Variants in ASTN1 observed in about 807,000 individuals in gnomAD.
ASTN1 encodes the protein astrotactin-1.
In ASTN1, 41 loss-of-function variants were observed where a neutral mutation model predicts 140.7. The observed-to-expected ratio is 0.29, with a 90% CI of 0.23 to 0.38. The LOEUF (loss-of-function observed/expected upper bound fraction) is 0.38. ASTN1 is among the 10% of genes least tolerant of loss of function. ASTN1 has a pLI of 1.00. For synonymous variants in ASTN1, 640 were observed against 652.2 expected (o/e 0.98, Z 0.29); for missense variants, 1,479 against 1,678.8 (o/e 0.88, Z 2.08).
rs1676405508 is a variant in ASTN1 at position 177,030,923 on chromosome 1, T to C, written c.895A>G (p.Asn299Asp). The C allele has an allele frequency of 6.2e-7, 1 of 1,613,744 alleles. No individual in the cohort carries two copies. Among genetic ancestry groups the C allele is most frequent in the Admixed American group, 1.7e-5 (1 of 59,998 alleles). ...GCTATAATATTATCTTTATACTTGT[T>C]CATCAGTGACAGCTTGGCATTGTCA... is the stretch of plus-strand genomic sequence containing the variant. Reference protein sequence around the residue: ...GSDNAKLSLMNKYKDNIIATS... With the variant: ...GSDNAKLSLMDKYKDNIIATS... The change falls in exon 4 of 23, where the codon AAC becomes GAC. Residue 299 changes from asparagine (N) to aspartate (D), a missense_variant. Around this residue, in one of 3 missense-constraint regions of ASTN1, gnomAD observed 729 missense variants for 860.4 expected, o/e 0.85. Coordinates refer to ENST00000361833, the MANE Select transcript of ASTN1 (RefSeq NM_004319.3).
At chr1:177,023,282 T>C in intron 7 of ASTN1, 122 bp downstream of exon 7, 1 of 1,254,764 alleles carries the variant, frequency 8.0e-7, no homozygotes, top group Non-Finnish European at 1.1e-6. Context: ...GCAGTCCGCA[T>C]GGTCTAGGCT....
chr1:177,065,123 AC>A (rs1306847187), intron 1 of ASTN1, among the ~76,000 whole-genome samples: 1 of 152,150 alleles, frequency 6.6e-6, no homozygotes, highest in Non-Finnish European at 1.5e-5. Context: ...CTCAGATAGA[AC>A]CTTTTTCACA....
At chr1:176,969,646 C>T (rs1016263525) in intron 8 of ASTN1, among the ~76,000 whole-genome samples, 2 of 152,086 alleles carry the variant, frequency 1.3e-5, no homozygotes, top group African/African-American at 2.4e-5. Context: ...ACTAGGCCAT[C>T]GAGGAGCCCA....
At chr1:177,128,934 A>C (rs1571825692) in intron 1 of ASTN1, among the ~76,000 whole-genome samples, 2 of 152,328 alleles carry the variant, frequency 1.3e-5, no homozygotes, top group East Asian at 3.9e-4. Context: ...TCAAAAAAGA[A>C]GTATGAATGT....
intron 1 of ASTN1, among the ~76,000 whole-genome samples, chr1:177,076,304 GAA>G (rs1173232565): frequency 1.4e-4 from 19 of 138,096 alleles, no homozygotes; most frequent in Non-Finnish European, 8.1e-5. Context: ...AAGAAAGAAA[GAA>G]AAAGAAAAAG....
chr1:177,125,605 T>C (rs553272259), intron 1 of ASTN1, among the ~76,000 whole-genome samples: 4 of 152,266 alleles, frequency 2.6e-5, no homozygotes, highest in East Asian at 3.9e-4. Context: ...ATGATAAAAA[T>C]AGGTATATAA....
intron 2 of ASTN1, among the ~76,000 whole-genome samples, chr1:177,045,437 C>G (rs1279614363): frequency 2.0e-5 from 3 of 152,172 alleles, no homozygotes; most frequent in Non-Finnish European, 2.9e-5. Flanking sequence ...TTGGTCAGTT[C>G]AGACTGAAGA....
chr1:177,053,169 T>A (rs962876897), intron 2 of ASTN1, among the ~76,000 whole-genome samples: 1 of 152,218 alleles, frequency 6.6e-6, no homozygotes, highest in African/African-American at 2.4e-5. Flanking sequence ...TTATGACTCC[T>A]GCTTTCAAAA....
chr1:177,148,781 TAGA>T (rs1350199129), intron 1 of ASTN1, among the ~76,000 whole-genome samples: 1 of 151,884 alleles, frequency 6.6e-6, no homozygotes, highest in Admixed American at 6.6e-5. Flanking sequence ...GAGATGATGA[TAGA>T]AGTTTCTTGG....
intron 18 of ASTN1, among the ~76,000 whole-genome samples, chr1:176,886,135 G>T (rs972143114): frequency 1.1e-4 from 16 of 152,278 alleles, no homozygotes; most frequent in Middle Eastern, 6.8e-3. Flanking sequence ...AGAAATAGAA[G>T]TGTATATGAT....
At chr1:177,150,735 A>C (rs1488375583) in intron 1 of ASTN1, among the ~76,000 whole-genome samples, 1 of 152,158 alleles carries the variant, frequency 6.6e-6, no homozygotes, top group Non-Finnish European at 1.5e-5. Context: ...GCAGGAGTCA[A>C]GGAATTATAA....
chr1:176,870,492 G>C (rs1222380295), intron 21 of ASTN1, among the ~76,000 whole-genome samples: 1 of 152,186 alleles, frequency 6.6e-6, no homozygotes, highest in East Asian at 1.9e-4. Flanking sequence ...TGCCTATGAG[G>C]ACAGGAGCCA....
intron 2 of ASTN1, among the ~76,000 whole-genome samples, chr1:177,036,036 C>CTTTTTTTTTTTT (rs869200407): frequency 1.3e-5 from 1 of 78,788 alleles, no homozygotes; most frequent in African/African-American, 5.5e-5. Flanking sequence ...CCTCAGCTTT[C>CTTTTTTTTTTTT]TTTTTTTTTT....
At chr1:176,876,719 C>T in intron 20 of ASTN1, 82 bp from the exon 21 acceptor site, 1 of 1,387,852 alleles carries the variant, frequency 7.2e-7, no homozygotes, top group Non-Finnish European at 1.0e-6. Flanking sequence ...CATGGCCCAG[C>T]TCTGCCTGAA....
chr1:177,091,702 C>A (rs1679763471), intron 1 of ASTN1, among the ~76,000 whole-genome samples: 1 of 152,110 alleles, frequency 6.6e-6, no homozygotes, highest in Non-Finnish European at 1.5e-5. Context: ...CAGTTCCCAT[C>A]CCCCAGCCCT....
At chr1:176,914,483 T>G (rs1371484831) in intron 16 of ASTN1, among the ~76,000 whole-genome samples, 1 of 152,208 alleles carries the variant, frequency 6.6e-6, no homozygotes, top group African/African-American at 2.4e-5. Flanking sequence ...CTCTGTGTTA[T>G]GGAGGTTTTA....
chr1:177,042,789 AG>A (rs1291127571), intron 2 of ASTN1, among the ~76,000 whole-genome samples: 1 of 152,242 alleles, frequency 6.6e-6, no homozygotes, highest in Non-Finnish European at 1.5e-5. Flanking sequence ...CGTGTCACAT[AG>A]AAAGAAGCCC....
At position 176,894,731 on chromosome 1, in the gene ASTN1, T is replaced by C. The variant is rs2228956; in HGVS notation, c.2771A>G (p.His924Arg). ...ITSLSDSGTK[H>R]MAAGVRMECH... is the part of the protein sequence containing the mutation. ...CTCCATGCGGACTCCAGCCGCCATG[T>C]GCTTGGTGCCGGAGTCTGACAAGCT... The change falls in exon 17 of 23, where the codon CAC (histidine) becomes CGC (arginine). Residue 924 changes from histidine to arginine, a missense_variant. By Grantham distance (29) the His-to-Arg change is conservative. Transcript: ENST00000361833. 0.83 allele frequency: 1,338,241 copies of C among 1,614,022 alleles called. 555,733 individuals are homozygous for C. The highest frequency in any genetic ancestry group is 0.91 in the Middle Eastern group (5,533 of 6,062).
chr1:177,140,605 A>T (rs1682420687), intron 1 of ASTN1, among the ~76,000 whole-genome samples: 1 of 152,198 alleles, frequency 6.6e-6, no homozygotes, highest in Non-Finnish European at 1.5e-5. Flanking sequence ...TTGGGTGTCC[A>T]TGTGTGTATA....
Sources: gnomAD v4.1 joint callset for allele counts (sites outside exome capture counted in the v4.1 genomes callset) on GRCh38, gnomAD v4.1.1 for gene constraint, gnomAD v4.1.1 regional missense constraint, MANE v1.5 for transcripts, NCBI Gene and HGNC (gene_info 2026-07-23, HGNC 2026-07-21) for gene names.